MLLT3: variants seen among roughly 807,000 people sequenced by gnomAD.
MLLT3 encodes MLLT3 super elongation complex subunit, also known as protein AF-9.
A neutral mutation model predicts 53.2 loss-of-function variants in MLLT3; 4 were observed. That is an observed-to-expected ratio of 0.08 (90% CI 0.04 to 0.17). The LOEUF (loss-of-function observed/expected upper bound fraction) is 0.17. MLLT3 is among the 10% of genes least tolerant of loss of function. The pLI is 1.00. For synonymous variants in MLLT3, 283 were observed against 230.6 expected, an observed-to-expected ratio of 1.23 and a Z score of -2.06; for missense variants, 569 against 684.0, an observed-to-expected ratio of 0.83 and a Z score of 1.87.
chr9:20,503,266 G>C (rs938424262), intron 2 of MLLT3, among the ~76,000 whole-genome samples: 1 of 152,132 alleles, frequency 6.6e-6, no homozygotes, highest in East Asian at 1.9e-4. Context: ...AACAAAGCTA[G>C]AGGCATCACA....
intron 4 of MLLT3, among the ~76,000 whole-genome samples, chr9:20,444,244 T>A (rs1366729184): frequency 6.6e-6 from 1 of 152,192 alleles, no homozygotes; most frequent in East Asian, 1.9e-4. Context: ...AATTTGAGAA[T>A]CACTGATCCA....
In MLLT3 at chr9:20,413,901, T is replaced by A. The variant is rs1406612250; in HGVS notation, c.945A>T (p.Pro315=). The change falls in exon 5 of 11, where the codon CCA becomes CCT. Residue 315 remains proline, a synonymous_variant. Coordinates refer to ENST00000380338, the MANE Select transcript of MLLT3 (RefSeq NM_004529.4). ...TGTCAGCAGAACAAGTGAGTATCAG[T>A]GGTGGTGCGCTAGAAAAACTTTTAA... is the stretch of plus-strand genomic sequence containing the variant. ...ALFKSFSSAP[P]LILTCSADKK... 6.2e-7 allele frequency: 1 copy of A among 1,613,824 alleles called. No individual in the cohort carries two copies. Among genetic ancestry groups the A allele is most frequent in the East Asian group, 2.2e-5 (1 of 44,880 alleles).
chr9:20,411,757 A>C (rs1227540832), intron 5 of MLLT3: 1 of 152,218 alleles, frequency 6.6e-6, no homozygotes, highest in South Asian at 2.1e-4. Context: ...CATACTTTAT[A>C]AATCATATAT....
At chr9:20,468,954 A>C (rs1824303659) in intron 2 of MLLT3, among the ~76,000 whole-genome samples, 1 of 152,246 alleles carries the variant, frequency 6.6e-6, no homozygotes, top group South Asian at 2.1e-4. Flanking sequence ...AATTGTTTTA[A>C]ATATATTTGG....
At chr9:20,391,091 A>T (rs945262114) in intron 5 of MLLT3, among the ~76,000 whole-genome samples, 1 of 152,206 alleles carries the variant, frequency 6.6e-6, no homozygotes, top group Non-Finnish European at 1.5e-5. Context: ...GATACAGAAC[A>T]GTTCACCTGT....
intron 2 of MLLT3, among the ~76,000 whole-genome samples, chr9:20,536,547 C>T (rs887858554): frequency 2.6e-5 from 4 of 152,182 alleles, no homozygotes; most frequent in East Asian, 3.9e-4. Context: ...ACTGTTCTCT[C>T]GGAATCAGTC....
At chr9:20,477,605 T>C (rs1230529698) in intron 2 of MLLT3, among the ~76,000 whole-genome samples, 1 of 152,106 alleles carries the variant, frequency 6.6e-6, no homozygotes, top group Non-Finnish European at 1.5e-5. Flanking sequence ...TAAATAGCCC[T>C]CCTCTCCTAT....
intron 2 of MLLT3, among the ~76,000 whole-genome samples, chr9:20,557,083 T>TG (rs1179547371): frequency 6.6e-6 from 1 of 152,134 alleles, no homozygotes; most frequent in Non-Finnish European, 1.5e-5. Flanking sequence ...CACCTGCAGT[T>TG]GGAGTCTCAG....
At chr9:20,420,821 A>G (rs1414856342) in intron 4 of MLLT3, among the ~76,000 whole-genome samples, 1 of 152,188 alleles carries the variant, frequency 6.6e-6, no homozygotes, top group African/African-American at 2.4e-5. Context: ...CATTAGGTGT[A>G]TCTCCTAATG....
intron 2 of MLLT3, among the ~76,000 whole-genome samples, chr9:20,507,932 A>T (rs1310208518): frequency 6.6e-6 from 1 of 152,106 alleles, no homozygotes; most frequent in Non-Finnish European, 1.5e-5. Context: ...ACATTTGTTT[A>T]AAAAAAGAAT....
intron 2 of MLLT3, among the ~76,000 whole-genome samples, chr9:20,458,630 G>C (rs946424778): frequency 2.6e-5 from 4 of 152,126 alleles, no homozygotes; most frequent in African/African-American, 9.7e-5. Flanking sequence ...TCTATGTGAG[G>C]ACATGGTGAG....
At chr9:20,609,249 TG>T (rs150062149) in intron 2 of MLLT3, among the ~76,000 whole-genome samples, 2,174 of 152,212 alleles carry the variant, frequency 0.014, 72 homozygotes, top group African/African-American at 0.051. Flanking sequence ...TTATACAGCA[TG>T]TTACAACTGA....
intron 2 of MLLT3, among the ~76,000 whole-genome samples, chr9:20,528,777 G>A (rs192549835): frequency 3.9e-5 from 6 of 152,238 alleles, no homozygotes; most frequent in South Asian, 2.1e-4. Context: ...TTAATTTACC[G>A]CATCTGCAAG....
chr9:20,404,141 T>C (rs1179914251), intron 5 of MLLT3, among the ~76,000 whole-genome samples: 2 of 152,166 alleles, frequency 1.3e-5, no homozygotes, highest in African/African-American at 4.8e-5. Flanking sequence ...CATTTTAAAC[T>C]AAGGTGGACT....
rs747298605 is a variant in MLLT3 at position 20,414,312 on chromosome 9, A to ACTGCTG, written c.528_533dup (p.Ser189_Ser190dup). ...TGCTGCTGCTGCTACTGCTGCTGCT[A>ACTGCTG]CTGCTGCTGCTGCTGCTGCTGCTGC... On this transcript the variant is annotated inframe_insertion, in exon 5 of 11. Coordinates refer to ENST00000380338, the MANE Select transcript of MLLT3 (RefSeq NM_004529.4). 4.1e-4 allele frequency: 636 copies of ACTGCTG among 1,564,876 alleles called. 1 individual carries two copies. The highest frequency in any genetic ancestry group is 1.2e-3 in the Admixed American group (71 of 58,404).
chr9:20,432,463 GTAT>G (rs1284380222), intron 4 of MLLT3, among the ~76,000 whole-genome samples: 2 of 152,000 alleles, frequency 1.3e-5, no homozygotes, highest in African/African-American at 4.8e-5. Context: ...TTCTATGGAA[GTAT>G]TATATTGCTG....
intron 5 of MLLT3, among the ~76,000 whole-genome samples, chr9:20,403,980 C>T (rs1822519801): frequency 6.6e-6 from 1 of 152,056 alleles, no homozygotes; most frequent in Admixed American, 6.6e-5. Flanking sequence ...CCATCACACC[C>T]AGCTAATTTT....
chr9:20,558,079 A>G (rs1443167115), intron 2 of MLLT3, among the ~76,000 whole-genome samples: 1 of 152,166 alleles, frequency 6.6e-6, no homozygotes, highest in East Asian at 1.9e-4. Flanking sequence ...TTGAAAACAG[A>G]AAAAGAGGCT....
chr9:20,444,775 G>A (rs1407861839), intron 4 of MLLT3, among the ~76,000 whole-genome samples: 1 of 152,122 alleles, frequency 6.6e-6, no homozygotes, highest in Non-Finnish European at 1.5e-5. Context: ...AGGAGGCTGA[G>A]GTGGGAGGAT....
Sources: gnomAD v4.1 joint callset for allele counts (sites outside exome capture counted in the v4.1 genomes callset) on GRCh38, gnomAD v4.1.1 for gene constraint, MANE v1.5 for transcripts, NCBI Gene and HGNC (gene_info 2026-07-23, HGNC 2026-07-21) for gene names.